AFF4: variants seen among roughly 807,000 people sequenced by gnomAD.
The protein encoded by AFF4 is AF4/FMR2 family member 4.
Under a neutral mutation model 124.8 loss-of-function variants are expected in AFF4, and 13 were observed. The observed-to-expected ratio is 0.10, with a 90% CI of 0.07 to 0.17. The LOEUF is 0.17. Ranked by LOEUF, AFF4 falls within the 10% of genes least tolerant of loss-of-function variation. AFF4 has a pLI of 1.00. For missense variants in AFF4, 1,092 were observed against 1,403.8 expected (o/e 0.78, Z 3.55); for synonymous variants, 477 against 496.1 (o/e 0.96, Z 0.51).
At chr5:132,896,279 A>G (rs1192828176) in intron 11 of AFF4, 44 bp downstream of exon 11, 2 of 1,529,462 alleles carry the variant, frequency 1.3e-6, no homozygotes, top group Admixed American at 4.4e-5. Context: ...ACCGCATTTC[A>G]GATTCTGATG....
intron 7 of AFF4, among the ~76,000 whole-genome samples, chr5:132,900,269 A>C: frequency 6.6e-6 from 1 of 152,186 alleles, no homozygotes; most frequent in East Asian, 1.9e-4. Context: ...AAAACTTTGA[A>C]GTTCTGGCTG....
At chr5:132,906,985 G>T (rs1264415366) in intron 5 of AFF4, among the ~76,000 whole-genome samples, 1 of 152,034 alleles carries the variant, frequency 6.6e-6, no homozygotes, top group Non-Finnish European at 1.5e-5. Flanking sequence ...CCCTCAAATT[G>T]TTTATTGTCT....
intron 18 of AFF4, among the ~76,000 whole-genome samples, chr5:132,885,585 G>A (rs1760100017): frequency 2.0e-5 from 3 of 152,134 alleles, no homozygotes; most frequent in Admixed American, 2.0e-4. Flanking sequence ...TTTAGACAAG[G>A]AACAAGAGAC....
At chr5:132,938,930 G>A (rs1206908055) in intron 1 of AFF4, among the ~76,000 whole-genome samples, 2 of 95,964 alleles carry the variant, frequency 2.1e-5, no homozygotes, top group Non-Finnish European at 3.7e-5. Context: ...GCGACAGAGA[G>A]AGACTCATCT....
chr5:132,902,232 G>A (rs1365407681), intron 7 of AFF4, among the ~76,000 whole-genome samples: 1 of 151,976 alleles, frequency 6.6e-6, no homozygotes, highest in Non-Finnish European at 1.5e-5. Flanking sequence ...ATTTTTAGTA[G>A]AGAAGGGGTT....
At chr5:132,893,433 C>G (rs1760311841) in intron 11 of AFF4, among the ~76,000 whole-genome samples, 1 of 152,150 alleles carries the variant, frequency 6.6e-6, no homozygotes, top group Admixed American at 6.5e-5. Flanking sequence ...AAAATTCACT[C>G]TTTAGAAGTG....
intron 4 of AFF4, among the ~76,000 whole-genome samples, chr5:132,929,244 T>C (rs1289629058): frequency 6.6e-6 from 1 of 152,166 alleles, no homozygotes; most frequent in Non-Finnish European, 1.5e-5. Flanking sequence ...TGGCATTTTA[T>C]ATCTCAAATA....
At chr5:132,895,727 C>A (rs151099836) in intron 11 of AFF4, among the ~76,000 whole-genome samples, 125 of 152,290 alleles carry the variant, frequency 8.2e-4, no homozygotes, top group African/African-American at 2.9e-3. Flanking sequence ...CACAGACATG[C>A]GTGAGTTTTC....
intron 13 of AFF4, among the ~76,000 whole-genome samples, chr5:132,889,802 CT>C (rs568437572): frequency 1.8e-4 from 28 of 151,906 alleles, no homozygotes; most frequent in Non-Finnish European, 3.2e-4. Flanking sequence ...ATCCACATGT[CT>C]TTTTTTTATT....
At position 132,954,439 on chromosome 5, in the gene AFF4, C is replaced by T. The variant is rs572626190; in HGVS notation, c.-5+8820G>A. Among the ~76,000 whole-genome samples, 6 of 152,186 alleles carry T rather than the reference C, an allele frequency of 3.9e-5. No individual in the cohort carries two copies. In the South Asian group the frequency reaches 1.2e-3, roughly 32 times the overall value. On this transcript the variant is annotated intron_variant, in intron 1 of 20. Coordinates refer to ENST00000265343, the MANE Select transcript of AFF4 (RefSeq NM_014423.4). ...CACACAGGGTGAGTGGGTGCAGAAG[C>T]TTTTGGGTGCCAGCAGGAATTAACC... is the stretch of plus-strand genomic sequence containing the variant.
chr5:132,898,196 G>C (rs779719842), intron 10 of AFF4, 34 bp downstream of exon 10: 22 of 1,611,810 alleles, frequency 1.4e-5, no homozygotes, highest in Non-Finnish European at 1.4e-5. Context: ...CCCTGAGAGG[G>C]CCTGTGGAAG....
chr5:132,942,610 A>G (rs575132818), intron 1 of AFF4, among the ~76,000 whole-genome samples: 2 of 152,148 alleles, frequency 1.3e-5, no homozygotes, highest in South Asian at 2.1e-4. Context: ...GATTACAGGC[A>G]TGCGCCACCA....
chr5:132,935,784 A>C (rs1761413080), intron 2 of AFF4, among the ~76,000 whole-genome samples: 1 of 150,722 alleles, frequency 6.6e-6, no homozygotes, highest in East Asian at 2.0e-4. Context: ...CTAGCCCGGC[A>C]AGGTGGTGCA....
intron 5 of AFF4, among the ~76,000 whole-genome samples, chr5:132,906,392 T>C (rs1168375737): frequency 6.6e-6 from 1 of 152,186 alleles, no homozygotes; most frequent in Non-Finnish European, 1.5e-5. Flanking sequence ...ATAAACAAAA[T>C]GTGATATATA....
At chr5:132,937,017 CA>C (rs1190772237) in intron 2 of AFF4, 49 bp downstream of exon 2, 2 of 1,556,708 alleles carry the variant, frequency 1.3e-6, no homozygotes, top group African/African-American at 2.7e-5. Flanking sequence ...ATTTTAAAAG[CA>C]AAAATGTCAT....
At position 132,890,302 on chromosome 5, in the gene AFF4, C is replaced by T. The variant is rs774303199; in HGVS notation, c.2638-1129G>A. Among the ~76,000 whole-genome samples, 4 of 152,096 alleles carry T rather than the reference C, an allele frequency of 2.6e-5. No homozygotes were observed. In the South Asian group the frequency reaches 8.3e-4, roughly 32 times the overall value. On this transcript the variant is annotated intron_variant, in intron 13 of 20. Transcript: ENST00000265343. Reference sequence around the variant, plus strand: ...TTTATTTGTTTGAGAAAGGGTCTCACTCTGTCGCCTAGGTTGGAGTGCAGT... The same window carrying T: ...TTTATTTGTTTGAGAAAGGGTCTCATTCTGTCGCCTAGGTTGGAGTGCAGT...
chr5:132,913,721 C>A (rs574996168), intron 5 of AFF4, among the ~76,000 whole-genome samples: 1 of 152,130 alleles, frequency 6.6e-6, no homozygotes, highest in African/African-American at 2.4e-5. Context: ...GGATTACAAG[C>A]GTGTGCCACC....
chr5:132,898,759 C>T (rs886719317), intron 9 of AFF4, among the ~76,000 whole-genome samples: 2 of 152,228 alleles, frequency 1.3e-5, no homozygotes, highest in African/African-American at 4.8e-5. Context: ...GCTGGGATTA[C>T]AGGCGTGAGC....
At chr5:132,911,064 T>A (rs1760782994) in intron 5 of AFF4, among the ~76,000 whole-genome samples, 1 of 152,224 alleles carries the variant, frequency 6.6e-6, no homozygotes, top group Admixed American at 6.5e-5. Context: ...GGGCACTGAA[T>A]CTCAATCACT....
Sources: allele counts gnomAD v4.1 joint callset (sites outside exome capture counted in the v4.1 genomes callset), GRCh38; gene constraint gnomAD v4.1.1; transcripts MANE v1.5; gene names NCBI Gene and HGNC (gene_info 2026-07-23, HGNC 2026-07-21).